ENPP3: variants seen among roughly 807,000 people sequenced by gnomAD.
The protein encoded by ENPP3 is ectonucleotide pyrophosphatase/phosphodiesterase 3.
A neutral mutation model predicts 117.8 loss-of-function variants in ENPP3; 104 were observed. That is an observed-to-expected ratio of 0.88 (90% CI 0.75 to 1.04). The LOEUF (loss-of-function observed/expected upper bound fraction) is 1.04. Ranked by LOEUF, ENPP3 falls within the 50% of genes least tolerant of loss-of-function variation. The pLI is 0.00. For missense variants in ENPP3, 1,026 were observed against 1,051.9 expected (o/e 0.98, Z 0.34); for synonymous variants, 380 against 349.9 (o/e 1.09, Z -0.96).
At chr6:131,700,372 A>C in intron 15 of ENPP3, 1 of 410,138 alleles carries the variant, frequency 2.4e-6, no homozygotes. Context: ...TCTCATGTCC[A>C]TTGAGGGCAG....
intron 20 of ENPP3, among the ~76,000 whole-genome samples, chr6:131,726,554 A>G (rs190903593): frequency 6.6e-6 from 1 of 152,328 alleles, no homozygotes; most frequent in African/African-American, 2.4e-5. Context: ...GAAGGTGATG[A>G]TAACTAGATT....
At chr6:131,682,961 AT>A (rs1302788959) in intron 11 of ENPP3, 92 bp from the exon 12 acceptor site, 2 of 786,852 alleles carry the variant, frequency 2.5e-6, no homozygotes, top group Non-Finnish European at 4.5e-6. Flanking sequence ...AATTTCAGAG[AT>A]GGAGATGTGT....
In ENPP3 at chr6:131,746,863, C is replaced by T; in HGVS notation, c.2535C>T (p.Leu845=). 6.2e-7 allele frequency: 1 copy of T among 1,613,356 alleles called. No individual in the cohort carries two copies. The highest frequency in any genetic ancestry group is 8.5e-7 in the Non-Finnish European group (1 of 1,179,544). Residue 845 remains leucine, a synonymous_variant, in exon 25 of 25, where the codon CTC becomes CTT. Coordinates refer to ENST00000357639, the MANE Select transcript of ENPP3 (RefSeq NM_005021.5). ...HIARVRDVEL[L]TGLDFYQDKV... is the part of the protein sequence containing the mutation. ...CCCGGGTCCGTGATGTAGAACTTCT[C>T]ACTGGGCTTGACTTCTATCAGGATA... is the stretch of plus-strand genomic sequence containing the variant.
At chr6:131,676,625 T>C (rs1778873856) in intron 9 of ENPP3, 111 bp from the exon 10 acceptor site, 1 of 712,584 alleles carries the variant, frequency 1.4e-6, no homozygotes, top group African/African-American at 1.8e-5. Flanking sequence ...TGTGATTATA[T>C]AGGAACACAA....
At chr6:131,693,449 A>G (rs1221229190) in intron 14 of ENPP3, 48 bp from the exon 15 acceptor site, 1 of 1,533,020 alleles carries the variant, frequency 6.5e-7, no homozygotes, top group Non-Finnish European at 8.9e-7. Flanking sequence ...TTTTAAAATT[A>G]ATTTGCATAT....
chr6:131,727,747 C>T (rs1049416335), intron 20 of ENPP3, among the ~76,000 whole-genome samples: 1 of 152,020 alleles, frequency 6.6e-6, no homozygotes, highest in African/African-American at 2.4e-5. Flanking sequence ...CTTTTAAAGA[C>T]AAAGCTATAC....
intron 15 of ENPP3, among the ~76,000 whole-genome samples, chr6:131,711,445 T>A (rs1779789231): frequency 6.8e-6 from 1 of 148,074 alleles, no homozygotes; most frequent in African/African-American, 2.6e-5. Context: ...CTTGCTTTCC[T>A]TTCATTAATG....
In ENPP3 at chr6:131,677,933, G is replaced by A. The variant is rs756650430; in HGVS notation, c.1004G>A (p.Ser335Asn). Residue 335 changes from serine to asparagine, a missense_variant, in exon 11 of 25, where the codon AGT becomes AAT. By Grantham distance (46) the Ser-to-Asn change is conservative. Transcript: ENST00000357639. ...DSSGHAGGPV[S>N]ARVIKALQVV... ...TCTGGACATGCAGGTGGACCAGTCA[G>A]TGCCAGAGTAAGTTGTTGTTTTCTT... is the stretch of plus-strand genomic sequence containing the variant. 44 of 1,599,800 alleles carry A rather than the reference G, an allele frequency of 2.8e-5. No homozygotes were observed. The Admixed American group carries it at 7.2e-4, about 26-fold the overall frequency.
chr6:131,708,593 A>G lies in ENPP3; in HGVS notation c.1413-10079A>G, dbSNP rs899525908. The G allele has an allele frequency of 9.0e-6, 14 of 1,547,522 alleles. 2 individuals are homozygous for G. Among genetic ancestry groups the G allele is most frequent in the East Asian group, 7.7e-5 (3 of 39,132 alleles). ...AAAATTACTTTTGAAGAAAGCAACA[A>G]TATTGTCAGGTGTCTTGCTGTGGTT... On this transcript the variant is annotated intron_variant, in intron 15 of 24. Coordinates refer to ENST00000357639, the MANE Select transcript of ENPP3 (RefSeq NM_005021.5).
rs774771329 is a variant in ENPP3 at position 131,737,437 on chromosome 6, G to A, written c.2167+5G>A. Reference sequence around the variant, plus strand: ...CTATGTATGAAGAATTCAGAAGTAAGTATGAATTTAGAGTATTAATTTTAA... The same window carrying A: ...CTATGTATGAAGAATTCAGAAGTAAATATGAATTTAGAGTATTAATTTTAA... On this transcript the variant is annotated splice_donor_5th_base_variant and intron_variant, in intron 22 of 24. Transcript: ENST00000357639. 3 of 1,481,594 alleles carry A rather than the reference G, an allele frequency of 2.0e-6. No homozygotes were observed. Among genetic ancestry groups the A allele is most frequent in the Non-Finnish European group, 2.8e-6 (3 of 1,063,588 alleles). 91.8% of individuals were successfully genotyped at this position (1,481,594 alleles called of 1,614,324 possible).
At chr6:131,736,772 A>G (rs1173187087) in intron 21 of ENPP3, among the ~76,000 whole-genome samples, 1 of 152,214 alleles carries the variant, frequency 6.6e-6, no homozygotes, top group Non-Finnish European at 1.5e-5. Context: ...ACAAATTACC[A>G]AAAAAGGTTG....
At position 131,652,911 on chromosome 6, in the gene ENPP3, G is replaced by A; in HGVS notation, c.464+20G>A. 2 of 1,562,634 alleles carry A rather than the reference G, an allele frequency of 1.3e-6. No homozygotes were observed. The highest frequency in any genetic ancestry group is 1.8e-6 in the Non-Finnish European group (2 of 1,134,840). On this transcript the variant is annotated intron_variant, in intron 5 of 24. Transcript: ENST00000357639. ...AGAAGGGTGAGCATGACTGATACAG[G>A]GATTTTTATCCTCCTTTAACAAAGG... is the stretch of plus-strand genomic sequence containing the variant.
chr6:131,675,428 G>A (rs766344515), intron 9 of ENPP3: 27 of 419,866 alleles, frequency 6.4e-5, no homozygotes, highest in East Asian at 1.7e-4. Context: ...ACTCTGGTTC[G>A]AGCTGTCATC....
chr6:131,682,425 T>G (rs1779042474), intron 11 of ENPP3, among the ~76,000 whole-genome samples: 1 of 152,076 alleles, frequency 6.6e-6, no homozygotes, highest in Non-Finnish European at 1.5e-5. Flanking sequence ...GTCCATAAGA[T>G]CAAAGCTGCA....
intron 6 of ENPP3, among the ~76,000 whole-genome samples, chr6:131,663,567 G>GTCCCC: frequency 6.6e-6 from 1 of 150,620 alleles, no homozygotes; most frequent in Middle Eastern, 3.4e-3. Context: ...AATGGGGTGT[G>GTCCCC]CCAGTAGTCC....
At chr6:131,697,137 T>A (rs1779425893) in intron 15 of ENPP3, among the ~76,000 whole-genome samples, 1 of 152,186 alleles carries the variant, frequency 6.6e-6, no homozygotes, top group Non-Finnish European at 1.5e-5. Flanking sequence ...GGTTTCCAGA[T>A]GGAAGAACTA....
chr6:131,718,456 C>T (rs1390719727), intron 15 of ENPP3, among the ~76,000 whole-genome samples: 1 of 151,542 alleles, frequency 6.6e-6, no homozygotes, highest in Non-Finnish European at 1.5e-5. Flanking sequence ...TCTGTTTGTT[C>T]CATTATGGTT....
chr6:131,686,211 T>C (rs938188071), intron 14 of ENPP3, among the ~76,000 whole-genome samples: 9 of 152,192 alleles, frequency 5.9e-5, no homozygotes, highest in African/African-American at 2.2e-4. Flanking sequence ...GCATCGTCTT[T>C]CTCATTTTTT....
chr6:131,684,344 CT>C (rs759787656), intron 12 of ENPP3, among the ~76,000 whole-genome samples: 60 of 152,282 alleles, frequency 3.9e-4, no homozygotes, highest in Admixed American at 6.5e-4. Context: ...TAAATGGAAA[CT>C]TTTGATGTAC....
Sources: gnomAD v4.1 joint callset for allele counts (sites outside exome capture counted in the v4.1 genomes callset) on GRCh38, gnomAD v4.1.1 for gene constraint, MANE v1.5 for transcripts, NCBI Gene and HGNC (gene_info 2026-07-23, HGNC 2026-07-21) for gene names.